Variants in PLCL1 observed in about 807,000 individuals in gnomAD.
The protein encoded by PLCL1 is phospholipase C like 1 (inactive).
A neutral mutation model predicts 84.4 loss-of-function variants in PLCL1; 41 were observed. That is an observed-to-expected ratio of 0.49 (90% confidence interval 0.38 to 0.63). The LOEUF (loss-of-function observed/expected upper bound fraction) is 0.63. Ranked by LOEUF, PLCL1 falls within the 30% of genes least tolerant of loss-of-function variation. The probability of loss-of-function intolerance (pLI) is 0.00; values close to 1 mark genes in which losing one functional copy is unlikely to be tolerated. For missense variants in PLCL1, 1,206 were observed against 1,367.8 expected (o/e 0.88, Z 1.87); for synonymous variants, 490 against 488.3 (o/e 1.00, Z -0.05).
chr2:198,112,849 C>T (rs1432580083), intron 5 of PLCL1, among the ~76,000 whole-genome samples: 1 of 151,712 alleles, frequency 6.6e-6, no homozygotes, highest in Non-Finnish European at 1.5e-5. Context: ...CCTAGTAAGC[C>T]CTCAACTCAC....
At chr2:197,859,634 G>C (rs1406864500) in intron 1 of PLCL1, among the ~76,000 whole-genome samples, 2 of 151,980 alleles carry the variant, frequency 1.3e-5, no homozygotes, top group African/African-American at 2.4e-5. Context: ...GAGTTGTAGT[G>C]GTCATAAAGT....
chr2:198,018,955 G>C (rs1691067753), intron 1 of PLCL1, among the ~76,000 whole-genome samples: 1 of 152,184 alleles, frequency 6.6e-6, no homozygotes, highest in Non-Finnish European at 1.5e-5. Context: ...TCCCAGCAGG[G>C]GTCGAGAGAC....
intron 1 of PLCL1, among the ~76,000 whole-genome samples, chr2:198,007,154 A>T (rs1427520095): frequency 6.6e-6 from 1 of 152,248 alleles, no homozygotes; most frequent in Admixed American, 6.5e-5. Context: ...TAATTAAAAA[A>T]TAGGATCAGA....
At chr2:198,010,208 TAGTCGTGGCAAG>T (rs1427037414) in intron 1 of PLCL1, among the ~76,000 whole-genome samples, 1 of 152,044 alleles carries the variant, frequency 6.6e-6, no homozygotes, top group Admixed American at 6.6e-5. Flanking sequence ...ATGTATCGAA[TAGTCGTGGCAAG>T]AGTGGGCATC....
At chr2:198,050,586 A>G (rs1237530589) in intron 1 of PLCL1, among the ~76,000 whole-genome samples, 2 of 152,232 alleles carry the variant, frequency 1.3e-5, no homozygotes, top group Non-Finnish European at 1.5e-5. Flanking sequence ...GAATGCTAAA[A>G]GGTTGTTTTG....
chr2:197,936,744 T>C (rs1215635951), intron 1 of PLCL1, among the ~76,000 whole-genome samples: 1 of 152,142 alleles, frequency 6.6e-6, no homozygotes, highest in East Asian at 1.9e-4. Context: ...GCCAGAACTT[T>C]TTAGTTTTAT....
chr2:198,045,853 A>G (rs182216559), intron 1 of PLCL1, among the ~76,000 whole-genome samples: 141 of 152,356 alleles, frequency 9.3e-4, no homozygotes, highest in African/African-American at 3.3e-3. Flanking sequence ...TTGAAATAAA[A>G]TCCTCAGGGA....
At chr2:197,981,792 C>G (rs1690113388) in intron 1 of PLCL1, among the ~76,000 whole-genome samples, 1 of 152,108 alleles carries the variant, frequency 6.6e-6, no homozygotes, top group Non-Finnish European at 1.5e-5. Context: ...AAAGTTAGGG[C>G]CATACTGCAG....
intron 1 of PLCL1, among the ~76,000 whole-genome samples, chr2:198,064,916 G>A (rs1169106627): frequency 6.6e-6 from 1 of 152,188 alleles, no homozygotes; most frequent in African/African-American, 2.4e-5. Flanking sequence ...GGAAGCTTAT[G>A]GAGACAGAAG....
chr2:197,833,705 A>G (rs1334632570), intron 1 of PLCL1, among the ~76,000 whole-genome samples: 2 of 152,254 alleles, frequency 1.3e-5, no homozygotes, highest in East Asian at 3.8e-4. Context: ...GCTCATGGAT[A>G]GGAAGAATCA....
Position 197,805,775 on chromosome 2 carries a change from C to T in PLCL1, c.240+436C>T, listed in dbSNP as rs1393114839. 2.6e-5 allele frequency among the ~76,000 whole-genome samples: 4 copies of T among 152,200 alleles called. No individual in the cohort carries two copies. Among genetic ancestry groups the T allele is most frequent in the Non-Finnish European group, 4.4e-5 (3 of 68,024 alleles). On this transcript the variant is annotated intron_variant, in intron 1 of 5. Transcript: ENST00000428675. The surrounding 1 kb of genome is among the most constrained non-coding windows in gnomAD (Gnocchi z 4.0). ...AGTGTAAAAAAAGAATCCCTCTAGA[C>T]TTAAATGATCCCGAAATCCCAAGAT...
At chr2:197,999,996 A>G (rs1690563165) in intron 1 of PLCL1, among the ~76,000 whole-genome samples, 1 of 152,216 alleles carries the variant, frequency 6.6e-6, no homozygotes, top group African/African-American at 2.4e-5. Flanking sequence ...CCTGCAAATC[A>G]TTAAATATAC....
At chr2:197,902,114 G>C (rs1447462367) in intron 1 of PLCL1, among the ~76,000 whole-genome samples, 1 of 152,058 alleles carries the variant, frequency 6.6e-6, no homozygotes, top group East Asian at 1.9e-4. Context: ...GTCAAACAAG[G>C]ATGGCATACT....
chr2:197,912,689 C>T (rs1688506223), intron 1 of PLCL1, among the ~76,000 whole-genome samples: 1 of 142,692 alleles, frequency 7.0e-6, no homozygotes, highest in African/African-American at 2.6e-5. Context: ...TAAACTATCG[C>T]AAGAACAAAA....
intron 1 of PLCL1, among the ~76,000 whole-genome samples, chr2:197,954,412 T>C (rs1307030425): frequency 6.6e-6 from 1 of 152,090 alleles, no homozygotes; most frequent in Admixed American, 6.6e-5. Context: ...CAGGAAGGCC[T>C]GCAGAGAGCT....
At chr2:198,072,469 T>C (rs1306661550) in intron 1 of PLCL1, among the ~76,000 whole-genome samples, 1 of 151,972 alleles carries the variant, frequency 6.6e-6, no homozygotes, top group Non-Finnish European at 1.5e-5. Context: ...TAATTTCTTA[T>C]CTTTATCTTA....
intron 5 of PLCL1, among the ~76,000 whole-genome samples, chr2:198,140,063 AGCT>A (rs781180295): frequency 3.3e-5 from 5 of 152,034 alleles, no homozygotes; most frequent in Non-Finnish European, 5.9e-5. Flanking sequence ...CCTCCTGAGT[AGCT>A]GGGATTACAG....
At chr2:197,886,618 G>A (rs772531526) in intron 1 of PLCL1, among the ~76,000 whole-genome samples, 4 of 151,852 alleles carry the variant, frequency 2.6e-5, no homozygotes, top group Non-Finnish European at 5.9e-5. Flanking sequence ...ATCAGAAAGA[G>A]TATGGACATA....
At chr2:197,930,969 A>G (rs1445868356) in intron 1 of PLCL1, among the ~76,000 whole-genome samples, 2 of 152,160 alleles carry the variant, frequency 1.3e-5, no homozygotes, top group African/African-American at 2.4e-5. Context: ...CCTATTCTAC[A>G]TCAGTGCTGA....
Sources: gnomAD v4.1 joint callset for allele counts (sites outside exome capture counted in the v4.1 genomes callset) on GRCh38, gnomAD v4.1.1 for gene constraint, Gnocchi (gnomAD v3.1) non-coding constraint, MANE v1.5 for transcripts, NCBI Gene and HGNC (gene_info 2026-07-23, HGNC 2026-07-21) for gene names.